The following RBMS3 variants were observed in gnomAD, a reference collection of about 807,000 sequenced individuals.
RBMS3 encodes the protein RNA binding motif single stranded interacting protein 3, also known as RNA-binding motif, single-stranded-interacting protein 3.
RBMS3 carries 27 observed loss-of-function variants against 66.8 expected under a neutral mutation model. The observed-to-expected ratio is 0.40, with a 90% CI of 0.30 to 0.56. The LOEUF (loss-of-function observed/expected upper bound fraction) is 0.56. RBMS3 is among the 20% of genes least tolerant of loss of function. The probability of loss-of-function intolerance (pLI) is 0.40; values close to 1 mark genes in which losing one functional copy is unlikely to be tolerated. For missense variants in RBMS3, 513 were observed against 549.5 expected (o/e 0.93, Z 0.66); for synonymous variants, 188 against 183.0 (o/e 1.03, Z -0.22).
intron 1 of RBMS3, among the ~76,000 whole-genome samples, chr3:29,403,116 C>G (rs2039881619): frequency 6.6e-6 from 1 of 151,692 alleles, no homozygotes; most frequent in Non-Finnish European, 1.5e-5. Flanking sequence ...GTTCTCAAGC[C>G]AAATAAAAGA....
At chr3:29,560,848 C>G (rs1282990336) in intron 3 of RBMS3, among the ~76,000 whole-genome samples, 1 of 152,140 alleles carries the variant, frequency 6.6e-6, no homozygotes, top group Admixed American at 6.6e-5. Flanking sequence ...GATATTAAGC[C>G]TAGTACCCAT....
intron 12 of RBMS3, among the ~76,000 whole-genome samples, chr3:29,945,149 A>T (rs147418935): frequency 6.6e-6 from 1 of 151,806 alleles, no homozygotes; most frequent in African/African-American, 2.4e-5. Context: ...AGGTCATAAA[A>T]TACAAAGAGA....
At chr3:29,283,038 T>C (rs577902064) in intron 1 of RBMS3, among the ~76,000 whole-genome samples, 29 of 152,268 alleles carry the variant, frequency 1.9e-4, no homozygotes, top group African/African-American at 6.7e-4. Context: ...TTAAATAGAC[T>C]AGCCCTCCTG....
At chr3:29,357,408 A>G (rs1048611275) in intron 1 of RBMS3, among the ~76,000 whole-genome samples, 1 of 152,182 alleles carries the variant, frequency 6.6e-6, no homozygotes, top group Non-Finnish European at 1.5e-5. Flanking sequence ...AAAGTATTCC[A>G]TGGTGTATAT....
At chr3:29,956,593 G>A (rs151318967) in intron 12 of RBMS3, among the ~76,000 whole-genome samples, 1 of 152,048 alleles carries the variant, frequency 6.6e-6, no homozygotes, top group African/African-American at 2.4e-5. Context: ...GAGAAAAAGT[G>A]GGGGAGGTAA....
chr3:29,549,430 C>T (rs3773070), intron 3 of RBMS3, among the ~76,000 whole-genome samples: 5,208 of 146,644 alleles, frequency 0.036, 170 homozygotes, highest in Admixed American at 0.094. Context: ...GACGGAATCT[C>T]ACTCTGTGGC....
chr3:29,764,824 C>A (rs1450362988), intron 6 of RBMS3, among the ~76,000 whole-genome samples: 1 of 151,980 alleles, frequency 6.6e-6, no homozygotes, highest in Non-Finnish European at 1.5e-5. Flanking sequence ...ATTAACCTAT[C>A]TAATATCATA....
chr3:29,624,609 C>A (rs1291475933), intron 4 of RBMS3, among the ~76,000 whole-genome samples: 1 of 151,872 alleles, frequency 6.6e-6, no homozygotes, highest in African/African-American at 2.4e-5. Context: ...GAGAAAAGAG[C>A]AATATAAGAA....
chr3:29,955,097 A>T (rs542824154), intron 12 of RBMS3, among the ~76,000 whole-genome samples: 1 of 152,128 alleles, frequency 6.6e-6, no homozygotes, highest in African/African-American at 2.4e-5. Flanking sequence ...TTGTTCTACA[A>T]GGAGGCAGGT....
intron 1 of RBMS3, among the ~76,000 whole-genome samples, chr3:29,392,425 T>A (rs183714588): frequency 6.6e-6 from 1 of 152,328 alleles, no homozygotes; most frequent in East Asian, 1.9e-4. Context: ...GAGAGTAGAC[T>A]TTCTTTTTTT....
At chr3:29,788,565 A>G (rs927951985) in intron 6 of RBMS3, among the ~76,000 whole-genome samples, 2 of 152,158 alleles carry the variant, frequency 1.3e-5, no homozygotes, top group Admixed American at 6.6e-5. Flanking sequence ...CTGTCACATT[A>G]CTTTTGATGA....
chr3:29,662,679 A>G (rs2050603474), intron 4 of RBMS3, among the ~76,000 whole-genome samples: 1 of 152,124 alleles, frequency 6.6e-6, no homozygotes, highest in Non-Finnish European at 1.5e-5. Flanking sequence ...ATTATCTTTG[A>G]ATCCTATCCA....
At position 29,910,442 on chromosome 3, in the gene RBMS3, G is replaced by T. The variant is rs142873775; in HGVS notation, c.939+10687G>T. 7.6e-4 allele frequency among the ~76,000 whole-genome samples: 116 copies of T among 152,192 alleles called. No homozygotes were observed. The Middle Eastern group carries it at 0.014, about 18-fold the overall frequency. ...GTATTTGGGTATTCATTAAATAGAT[G>T]ATCAGAAACGGGTTCACATATTGAG... On this transcript the variant is annotated intron_variant, in intron 10 of 14. Coordinates refer to ENST00000383767, the MANE Select transcript of RBMS3 (RefSeq NM_001003793.3).
chr3:29,457,375 A>G (rs1382830703), intron 2 of RBMS3, among the ~76,000 whole-genome samples: 1 of 152,136 alleles, frequency 6.6e-6, no homozygotes, highest in African/African-American at 2.4e-5. Context: ...GTTAGAACCA[A>G]CTTCTCATGT....
In RBMS3 at chr3:29,392,009, G is replaced by A. The variant is rs979644069; in HGVS notation, c.76-42734G>A. ...TCACGCCTGTAATCCCAGCACTTTG[G>A]GAGGTCGAGGAGGGTGGATCACTTG... On this transcript the variant is annotated intron_variant, in intron 1 of 14. Transcript: ENST00000383767. Among the ~76,000 whole-genome samples, 3 of 152,246 alleles carry A rather than the reference G, an allele frequency of 2.0e-5. No homozygotes were observed. The South Asian group carries it at 6.2e-4, about 32-fold the overall frequency.
chr3:29,714,747 TACACACACACACAC>T (rs34878958), intron 4 of RBMS3, among the ~76,000 whole-genome samples: 1 of 149,334 alleles, frequency 6.7e-6, no homozygotes, highest in South Asian at 2.1e-4. Context: ...TGCACACATG[TACACACACACACAC>T]ACACACACAC....
chr3:29,325,586 G>GTA (rs1269452898), intron 1 of RBMS3, among the ~76,000 whole-genome samples: 11 of 147,296 alleles, frequency 7.5e-5, no homozygotes, highest in East Asian at 4.0e-4. Flanking sequence ...ATGTGTGTAT[G>GTA]TATATATATA....
At chr3:29,613,180 C>G (rs560646435) in intron 4 of RBMS3, among the ~76,000 whole-genome samples, 7 of 152,250 alleles carry the variant, frequency 4.6e-5, no homozygotes, top group Non-Finnish European at 1.0e-4. Context: ...ATACTGATTT[C>G]ATTTCCTTTG....
At chr3:29,896,679 G>C (rs1437233466) in intron 8 of RBMS3, among the ~76,000 whole-genome samples, 2 of 151,524 alleles carry the variant, frequency 1.3e-5, no homozygotes, top group Non-Finnish European at 3.0e-5. Flanking sequence ...CCCTTTAATA[G>C]ATCTCCAGGA....
Sources: allele counts gnomAD v4.1 joint callset (sites outside exome capture counted in the v4.1 genomes callset), GRCh38; gene constraint gnomAD v4.1.1; transcripts MANE v1.5; gene names NCBI Gene and HGNC (gene_info 2026-07-23, HGNC 2026-07-21).